The following CDK14 variants were observed in gnomAD, a reference collection of about 807,000 sequenced individuals.
CDK14 encodes cyclin-dependent kinase 14.
A neutral mutation model predicts 60.7 loss-of-function variants in CDK14; 34 were observed. That is an observed-to-expected ratio of 0.56 (90% CI 0.43 to 0.75). The LOEUF is 0.75. CDK14 is among the 30% of genes least tolerant of loss of function. The pLI is 0.00. For missense variants in CDK14, 482 were observed against 564.1 expected, an observed-to-expected ratio of 0.85 and a Z score of 1.47; for synonymous variants, 197 against 203.7, an observed-to-expected ratio of 0.97 and a Z score of 0.28.
At chr7:91,044,712 C>T (rs1189062319) in intron 10 of CDK14, among the ~76,000 whole-genome samples, 1 of 152,090 alleles carries the variant, frequency 6.6e-6, no homozygotes, top group Non-Finnish European at 1.5e-5. Flanking sequence ...TCCTTCTTCT[C>T]CTCTGCTGGT....
chr7:91,177,655 A>C (rs2115851561), intron 14 of CDK14, among the ~76,000 whole-genome samples: 1 of 151,298 alleles, frequency 6.6e-6, no homozygotes, highest in Admixed American at 6.6e-5. Flanking sequence ...AAGCATTCTT[A>C]TACACCAACA....
intron 5 of CDK14, among the ~76,000 whole-genome samples, chr7:90,797,781 C>G: frequency 6.6e-6 from 1 of 151,886 alleles, no homozygotes; most frequent in East Asian, 1.9e-4. Context: ...CCTATACACT[C>G]TTAAACAACC....
chr7:91,062,713 T>C (rs1289477709), intron 11 of CDK14, among the ~76,000 whole-genome samples: 1 of 152,092 alleles, frequency 6.6e-6, no homozygotes, highest in African/African-American at 2.4e-5. Context: ...ACAGGGCAGA[T>C]GGACAAAGCC....
At chr7:90,642,169 A>G (rs1234146975) in intron 2 of CDK14, among the ~76,000 whole-genome samples, 1 of 152,240 alleles carries the variant, frequency 6.6e-6, no homozygotes, top group Non-Finnish European at 1.5e-5. Flanking sequence ...TATAGTATGT[A>G]ATTATACCTC....
chr7:90,805,913 A>C (rs1449424457), intron 5 of CDK14, among the ~76,000 whole-genome samples: 3 of 152,204 alleles, frequency 2.0e-5, no homozygotes, highest in African/African-American at 7.2e-5. Context: ...AGCTACAGGG[A>C]TCAAGACAGT....
At chr7:90,617,469 T>G (rs897446422) in intron 2 of CDK14, among the ~76,000 whole-genome samples, 2 of 152,114 alleles carry the variant, frequency 1.3e-5, no homozygotes, top group Non-Finnish European at 2.9e-5. Context: ...CTGCTAGAAT[T>G]AGGCCTAAAA....
intron 3 of CDK14, among the ~76,000 whole-genome samples, chr7:90,740,291 A>AG: frequency 2.0e-5 from 3 of 149,292 alleles, no homozygotes; most frequent in South Asian, 2.1e-4. Flanking sequence ...AGAGAGAGAG[A>AG]AAGAAAGAAA....
At chr7:91,016,931 AT>A (rs1796316736) in intron 10 of CDK14, among the ~76,000 whole-genome samples, 1 of 152,200 alleles carries the variant, frequency 6.6e-6, no homozygotes, top group Admixed American at 6.5e-5. Flanking sequence ...CATTGGGCCT[AT>A]TTTTCCTATT....
intron 1 of CDK14, 94 bp from the exon 2 acceptor site, chr7:90,604,124 C>G: frequency 1.3e-6 from 1 of 768,150 alleles, no homozygotes. Context: ...GAAATGAAAA[C>G]ACCATACTGC....
intron 6 of CDK14, among the ~76,000 whole-genome samples, chr7:90,878,112 CAGAG>C (rs150927700): frequency 0.023 from 3,312 of 145,664 alleles, 129 homozygotes; most frequent in African/African-American, 0.078. Flanking sequence ...GAGAGAGAGA[CAGAG>C]AGAGAGAGAG....
chr7:91,140,036 G>A lies in CDK14; in HGVS notation c.*28+21828G>A, dbSNP rs77834246. Among the ~76,000 whole-genome samples the A allele has an allele frequency of 4.9e-3, 750 of 152,182 alleles. 4 individuals are homozygous for A. The highest frequency in any genetic ancestry group is 0.01 in the Admixed American group (154 of 15,280). The stretch of plus-strand genomic sequence containing the variant: ...GCCTTACAATTTTAAACAGAGAAAA[G>A]CAGTGAATACCTCTCCCTGCAATTT... On this transcript the variant is annotated intron_variant, in intron 14 of 14. Coordinates refer to ENST00000380050, the MANE Select transcript of CDK14 (RefSeq NM_001287135.2).
chr7:90,651,256 A>G (rs1009689485), intron 2 of CDK14, among the ~76,000 whole-genome samples: 1 of 152,074 alleles, frequency 6.6e-6, no homozygotes, highest in African/African-American at 2.4e-5. Flanking sequence ...TGTCTAGCCT[A>G]TAGTTTCTTT....
At chr7:91,047,648 A>G (rs1378847678) in intron 11 of CDK14, among the ~76,000 whole-genome samples, 1 of 152,242 alleles carries the variant, frequency 6.6e-6, no homozygotes, top group African/African-American at 2.4e-5. Context: ...CAACAGACAC[A>G]TAATGCATAG....
chr7:90,968,330 G>A (rs552562141), intron 9 of CDK14, among the ~76,000 whole-genome samples: 1 of 152,212 alleles, frequency 6.6e-6, no homozygotes, highest in East Asian at 1.9e-4. Context: ...CAACTAAAAC[G>A]ACCTATCAGT....
chr7:91,120,415 A>T lies in CDK14; in HGVS notation c.*28+2207A>T, dbSNP rs140106749. Among the ~76,000 whole-genome samples the T allele has an allele frequency of 2.0e-5, 3 of 152,308 alleles. 1 individual carries two copies. The highest frequency in any genetic ancestry group is 7.2e-5 in the African/African-American group (3 of 41,568). ...AAATGTAAAAATGTATTTTCTTCAC[A>T]TATATTTTTTAAACTAGATGTCAGG... is the stretch of plus-strand genomic sequence containing the variant. On this transcript the variant is annotated intron_variant, in intron 14 of 14. Transcript: ENST00000380050.
chr7:90,767,580 G>T lies in CDK14; in HGVS notation c.464+19805G>T, dbSNP rs538652200. 9.2e-5 allele frequency among the ~76,000 whole-genome samples: 14 copies of T among 152,166 alleles called. No individual in the cohort carries two copies. In the South Asian group the frequency reaches 2.7e-3, roughly 29 times the overall value. On this transcript the variant is annotated intron_variant, in intron 4 of 14. Coordinates refer to ENST00000380050, the MANE Select transcript of CDK14 (RefSeq NM_001287135.2). ...ATCAGATAGATTTATTTTGGACAAG[G>T]TTTTCTATTCCTTTGCTGCCTTCTC... is the stretch of plus-strand genomic sequence containing the variant.
chr7:90,913,273 A>T lies in CDK14; in HGVS notation c.703-4328A>T, dbSNP rs796785413. Among the ~76,000 whole-genome samples the T allele has an allele frequency of 1.1e-4, 17 of 152,364 alleles. No homozygotes were observed. In the East Asian group the frequency reaches 2.5e-3, roughly 22 times the overall value. ...TTTAAAGACATTCCAAGGGTAGTCC[A>T]TGGGGCATTCCATTGAATTCAGTAG... On this transcript the variant is annotated intron_variant, in intron 7 of 14. Coordinates refer to ENST00000380050, the MANE Select transcript of CDK14 (RefSeq NM_001287135.2).
chr7:91,054,905 A>G (rs1410316570), intron 11 of CDK14, among the ~76,000 whole-genome samples: 1 of 152,146 alleles, frequency 6.6e-6, no homozygotes, highest in Non-Finnish European at 1.5e-5. Context: ...TTGAAGTGTG[A>G]GTGGAATCAT....
At chr7:90,989,001 A>AGTGTGT (rs10696275) in intron 10 of CDK14, among the ~76,000 whole-genome samples, 6,126 of 149,782 alleles carry the variant, frequency 0.041, 160 homozygotes, top group Admixed American at 0.1. Context: ...TTTGTGTGTG[A>AGTGTGT]GTGTGTGTGT....
Sources: gnomAD v4.1 joint callset for allele counts (sites outside exome capture counted in the v4.1 genomes callset) on GRCh38, gnomAD v4.1.1 for gene constraint, MANE v1.5 for transcripts, NCBI Gene and HGNC (gene_info 2026-07-23, HGNC 2026-07-21) for gene names.